Variants in MIPOL1 observed in about 807,000 individuals in gnomAD.
The protein encoded by MIPOL1 is mirror-image polydactyly 1, also known as mirror-image polydactyly gene 1 protein.
Under a neutral mutation model 60.9 loss-of-function variants are expected in MIPOL1, and 57 were observed. The ratio of observed to expected loss-of-function variants is 0.94; its 90% CI spans 0.76 to 1.17. The LOEUF is 1.17. Ranked by LOEUF, MIPOL1 falls within the 50% of genes most tolerant of loss-of-function variation. The pLI, the probability that MIPOL1 is intolerant of heterozygous loss-of-function variation, is 0.00. For missense variants in MIPOL1, 551 were observed against 511.6 expected (o/e 1.08, Z -0.74); for synonymous variants, 179 against 168.8 (o/e 1.06, Z -0.47).
At chr14:37,444,217 T>C (rs1024131091) in intron 11 of MIPOL1, among the ~76,000 whole-genome samples, 1 of 152,216 alleles carries the variant, frequency 6.6e-6, no homozygotes, top group Non-Finnish European at 1.5e-5. Flanking sequence ...TTTCTAATTG[T>C]TCATTGCTAA....
intron 10 of MIPOL1, 54 bp downstream of exon 10, chr14:37,369,678 A>G (rs1018499392): frequency 5.4e-5 from 74 of 1,358,632 alleles, no homozygotes; most frequent in Non-Finnish European, 7.5e-5. Context: ...CCTTGGTGCC[A>G]GCTTTCTGTG....
intron 9 of MIPOL1, among the ~76,000 whole-genome samples, chr14:37,323,364 T>C (rs1223449602): frequency 6.6e-6 from 1 of 152,138 alleles, no homozygotes; most frequent in Non-Finnish European, 1.5e-5. Context: ...TACCATGCTG[T>C]TTTGGTTACT....
intron 10 of MIPOL1, among the ~76,000 whole-genome samples, chr14:37,373,057 G>A (rs972098724): frequency 9.2e-5 from 14 of 152,116 alleles, no homozygotes; most frequent in African/African-American, 3.4e-4. Flanking sequence ...TGGCTGGAGT[G>A]CAGTGGCTCG....
At chr14:37,313,779 G>T (rs2087597555) in intron 9 of MIPOL1, among the ~76,000 whole-genome samples, 1 of 152,076 alleles carries the variant, frequency 6.6e-6, no homozygotes. Flanking sequence ...TGATTATATT[G>T]CCAGGCTTGA....
intron 9 of MIPOL1, among the ~76,000 whole-genome samples, chr14:37,308,895 C>A (rs2087028390): frequency 6.6e-6 from 1 of 151,914 alleles, no homozygotes; most frequent in Non-Finnish European, 1.5e-5. Flanking sequence ...ATTCCCAGTG[C>A]CTAATTCAGT....
In MIPOL1 at chr14:37,373,145, A is replaced by G. The variant is rs191875524; in HGVS notation, c.936+3521A>G. 6.8e-3 allele frequency among the ~76,000 whole-genome samples: 1,034 copies of G among 152,142 alleles called. 17 individuals are homozygous for G. Among genetic ancestry groups the G allele is most frequent in the African/African-American group, 0.023 (975 of 41,526 alleles). ...CAGCCTCCTGAGTAGCTGAGATTAC[A>G]GGCATGCACCACCACGCTGGCTAAT... On this transcript the variant is annotated intron_variant, in intron 10 of 12. Coordinates refer to ENST00000684589, the MANE Select transcript of MIPOL1 (RefSeq NM_001388067.1).
At chr14:37,322,307 G>A (rs942429007) in intron 9 of MIPOL1, among the ~76,000 whole-genome samples, 3 of 151,904 alleles carry the variant, frequency 2.0e-5, no homozygotes, top group Admixed American at 6.6e-5. Flanking sequence ...CATTACTACA[G>A]TGTTACCCCA....
At chr14:37,376,109 A>G (rs1478314023) in intron 10 of MIPOL1, among the ~76,000 whole-genome samples, 1 of 152,176 alleles carries the variant, frequency 6.6e-6, no homozygotes, top group Non-Finnish European at 1.5e-5. Flanking sequence ...GGTCCCACAG[A>G]CATACAACCT....
chr14:37,430,515 A>ATTTTTTT (rs765408771), intron 11 of MIPOL1, among the ~76,000 whole-genome samples: 1 of 149,320 alleles, frequency 6.7e-6, no homozygotes, highest in African/African-American at 2.4e-5. Flanking sequence ...TTTTTTTTAA[A>ATTTTTTT]AAAAAGTATA....
chr14:37,491,022 A>G (rs1278030037), intron 11 of MIPOL1, among the ~76,000 whole-genome samples: 1 of 152,220 alleles, frequency 6.6e-6, no homozygotes, highest in Non-Finnish European at 1.5e-5. Context: ...AGTGATGCCC[A>G]TACAATTATA....
At chr14:37,279,733 A>C (rs1191364324) in intron 6 of MIPOL1, among the ~76,000 whole-genome samples, 1 of 152,088 alleles carries the variant, frequency 6.6e-6, no homozygotes, top group Non-Finnish European at 1.5e-5. Flanking sequence ...TACATTGTGA[A>C]ATGATCAAAT....
chr14:37,282,504 C>G (rs1359266612), intron 6 of MIPOL1, among the ~76,000 whole-genome samples: 1 of 151,744 alleles, frequency 6.6e-6, no homozygotes, highest in African/African-American at 2.4e-5. Context: ...TTTTGGTAGG[C>G]CAAGGTGGGA....
At chr14:37,475,457 A>G (rs1427272264) in intron 11 of MIPOL1, among the ~76,000 whole-genome samples, 2 of 151,940 alleles carry the variant, frequency 1.3e-5, no homozygotes, top group Non-Finnish European at 2.9e-5. Flanking sequence ...TTTCTTTCAT[A>G]GATCATGTTT....
chr14:37,483,856 G>T (rs1411644129), intron 11 of MIPOL1, among the ~76,000 whole-genome samples: 1 of 152,056 alleles, frequency 6.6e-6, no homozygotes, highest in Non-Finnish European at 1.5e-5. Context: ...AGCTGGCCTT[G>T]ATCTCCTGGC....
chr14:37,420,205 C>T (rs1445669313), intron 10 of MIPOL1, among the ~76,000 whole-genome samples: 1 of 151,854 alleles, frequency 6.6e-6, no homozygotes, highest in East Asian at 1.9e-4. Flanking sequence ...TATGTACAGA[C>T]TATCTCTGGA....
chr14:37,417,990 C>T (rs989898437), intron 10 of MIPOL1, among the ~76,000 whole-genome samples: 4 of 151,992 alleles, frequency 2.6e-5, no homozygotes, highest in South Asian at 2.1e-4. Flanking sequence ...AGTAAGGTTC[C>T]GTATTACCTC....
chr14:37,359,607 G>A (rs1380607366), intron 9 of MIPOL1, among the ~76,000 whole-genome samples: 1 of 91,542 alleles, frequency 1.1e-5, no homozygotes, highest in Non-Finnish European at 2.2e-5. Flanking sequence ...ATTGTGAATG[G>A]GAGTTCACTC....
intron 6 of MIPOL1, chr14:37,278,187 G>C (rs61245911): frequency 7.7e-4 from 117 of 151,710 alleles, no homozygotes; most frequent in African/African-American, 2.5e-3. Flanking sequence ...GCCAAAAACA[G>C]AAACATCGAA....
chr14:37,494,849 C>T (rs1239654046), intron 11 of MIPOL1, among the ~76,000 whole-genome samples: 1 of 152,060 alleles, frequency 6.6e-6, no homozygotes, highest in Non-Finnish European at 1.5e-5. Flanking sequence ...AAGATCATGT[C>T]CATTGCTTGG....
Sources: gnomAD v4.1 joint callset for allele counts (sites outside exome capture counted in the v4.1 genomes callset) on GRCh38, gnomAD v4.1.1 for gene constraint, MANE v1.5 for transcripts, NCBI Gene and HGNC (gene_info 2026-07-23, HGNC 2026-07-21) for gene names.